SENP5: variants seen among roughly 807,000 people sequenced by gnomAD.
SENP5 encodes the protein sentrin-specific protease 5.
Under a neutral mutation model 74.2 loss-of-function variants are expected in SENP5, and 21 were observed. The observed-to-expected ratio is 0.28, with a 90% CI of 0.20 to 0.41. The LOEUF is 0.41. Ranked by LOEUF, SENP5 falls within the 10% of genes least tolerant of loss-of-function variation. The probability of loss-of-function intolerance (pLI) is 1.00; values close to 1 mark genes in which losing one functional copy is unlikely to be tolerated. For missense variants in SENP5, 717 were observed against 889.1 expected, an observed-to-expected ratio of 0.81 and a Z score of 2.46; for synonymous variants, 311 against 312.7, an observed-to-expected ratio of 0.99 and a Z score of 0.06.
At position 196,886,684 on chromosome 3, in the gene SENP5, C is replaced by T. The variant is rs780313447; in HGVS notation, c.1503C>T (p.Val501=). Residue 501 remains valine (V), a synonymous_variant, in exon 2 of 10, where the codon GTC becomes GTT. Coordinates refer to ENST00000323460, the MANE Select transcript of SENP5 (RefSeq NM_152699.5). ...ASPVDDEQLS[V]CLSGFLDEVM... The stretch of plus-strand genomic sequence containing the variant: ...CAGTGGATGATGAACAGCTGTCAGT[C>T]TGTCTTTCTGGTATGCACTTTTCCT... 20 of 1,556,454 alleles carry T rather than the reference C, an allele frequency of 1.3e-5. No homozygotes were observed. Among genetic ancestry groups the T allele is most frequent in the Non-Finnish European group, 1.6e-5 (18 of 1,155,018 alleles).
chr3:196,916,990 C>T (rs1039572748), intron 6 of SENP5, among the ~76,000 whole-genome samples: 6 of 151,872 alleles, frequency 4.0e-5, no homozygotes, highest in South Asian at 4.2e-4. Flanking sequence ...AAAAATTAGC[C>T]GGGCGTGGTG....
At chr3:196,930,653 G>A (rs1183105851) in intron 9 of SENP5, among the ~76,000 whole-genome samples, 160 bp from the exon 10 acceptor site, 1 of 152,124 alleles carries the variant, frequency 6.6e-6, no homozygotes, top group Non-Finnish European at 1.5e-5. Flanking sequence ...TCTCCCCCAA[G>A]TCTGTGGAAA....
At chr3:196,899,583 G>A in intron 2 of SENP5, 83 bp from the exon 3 acceptor site, 1 of 798,732 alleles carries the variant, frequency 1.3e-6, no homozygotes. Context: ...TAAGTGCTGT[G>A]TATAGGTTAA....
chr3:196,892,419 T>A (rs550841540), intron 2 of SENP5, among the ~76,000 whole-genome samples: 1 of 152,348 alleles, frequency 6.6e-6, no homozygotes, highest in East Asian at 1.9e-4. Context: ...AGTGCTGGGA[T>A]TACAGGCATG....
intron 2 of SENP5, among the ~76,000 whole-genome samples, chr3:196,891,168 T>G (rs6797744): frequency 6.6e-6 from 1 of 152,006 alleles, no homozygotes; most frequent in African/African-American, 2.4e-5. Flanking sequence ...CTTGGAAGCA[T>G]GCTAAGTGAA....
chr3:196,907,248 C>T (rs1267693646), intron 6 of SENP5, among the ~76,000 whole-genome samples: 2 of 152,022 alleles, frequency 1.3e-5, no homozygotes, highest in Non-Finnish European at 1.5e-5. Flanking sequence ...CCGAGGCAGG[C>T]GGATCACGAG....
chr3:196,902,551 T>G (rs1412946799), intron 5 of SENP5, among the ~76,000 whole-genome samples: 1 of 152,158 alleles, frequency 6.6e-6, no homozygotes, highest in Non-Finnish European at 1.5e-5. Flanking sequence ...CTTTAATAGG[T>G]CTGGGATGAG....
At chr3:196,877,575 A>AT (rs201364945) in intron 1 of SENP5, among the ~76,000 whole-genome samples, 174 of 151,680 alleles carry the variant, frequency 1.1e-3, no homozygotes, top group Admixed American at 0.01. Context: ...TTTGCACAGT[A>AT]TTTTTTTTTA....
intron 7 of SENP5, among the ~76,000 whole-genome samples, chr3:196,926,746 C>T (rs1307191078): frequency 2.7e-5 from 4 of 148,964 alleles, no homozygotes; most frequent in African/African-American, 9.9e-5. Flanking sequence ...TCAAGCGATT[C>T]TCATGTCTCA....
rs944919001 is a variant in SENP5, at chr3:196,918,176, G to A, written c.1885-5238G>A. On this transcript the variant is annotated intron_variant, in intron 6 of 9. Coordinates refer to ENST00000323460, the MANE Select transcript of SENP5 (RefSeq NM_152699.5). The stretch of plus-strand genomic sequence containing the variant: ...AAAAAAATTAGCCGGGCGCGGTGGC[G>A]GGCGCCTGTAGTCCCAGCTACTCGG... 3.3e-5 allele frequency among the ~76,000 whole-genome samples: 5 copies of A among 151,528 alleles called. No homozygotes were observed. The South Asian group carries it at 6.2e-4, about 19-fold the overall frequency.
In SENP5 at chr3:196,917,392, A is replaced by G. The variant is rs138997942; in HGVS notation, c.1885-6022A>G. Reference sequence around the variant, plus strand: ...GGAGGTAGAGAGAGAGAGAGAGGGTAGAAACTTCACTCAGATAGTAACAGA... The same window carrying G: ...GGAGGTAGAGAGAGAGAGAGAGGGTGGAAACTTCACTCAGATAGTAACAGA... On this transcript the variant is annotated intron_variant, in intron 6 of 9. Transcript: ENST00000323460. Among the ~76,000 whole-genome samples, 622 of 152,218 alleles carry G rather than the reference A, an allele frequency of 4.1e-3. 2 individuals carry two copies. The highest frequency in any genetic ancestry group is 6.5e-3 in the Non-Finnish European group (443 of 68,002).
At position 196,886,564 on chromosome 3, in the gene SENP5, T is replaced by C; in HGVS notation, c.1383T>C (p.Pro461=). ...TTAGTTCTGAGTTGCTGGACCACCCTTACTGTAAAAGTCCACTGGAGGCTC... is the reference window on the plus strand; with the variant it reads ...TTAGTTCTGAGTTGCTGGACCACCCCTACTGTAAAAGTCCACTGGAGGCTC... The part of the protein sequence containing the change: ...SILSSELLDH[P]YCKSPLEAPL... The change falls in exon 2 of 10, where the codon CCT becomes CCC. Residue 461 remains proline, a synonymous_variant. Transcript: ENST00000323460. The C allele has an allele frequency of 6.2e-7, 1 of 1,614,000 alleles. No homozygotes were observed. The highest frequency in any genetic ancestry group is 8.5e-7 in the Non-Finnish European group (1 of 1,179,988).
At chr3:196,876,625 C>T (rs1713484254) in intron 1 of SENP5, among the ~76,000 whole-genome samples, 4 of 150,656 alleles carry the variant, frequency 2.7e-5, no homozygotes, top group African/African-American at 7.3e-5. Context: ...TGTGATGGCT[C>T]GTGTCTATAA....
chr3:196,872,895 G>C (rs545917462), intron 1 of SENP5, among the ~76,000 whole-genome samples: 4 of 152,186 alleles, frequency 2.6e-5, no homozygotes, highest in Admixed American at 2.0e-4. Flanking sequence ...TGCAAGGATG[G>C]GTAGGGGACA....
chr3:196,933,459 C>A lies in SENP5; in HGVS notation c.*2536C>A, dbSNP rs939379651. The A allele has an allele frequency of 6.6e-6, 1 of 152,138 alleles. No individual in the cohort carries two copies. Among genetic ancestry groups the A allele is most frequent in the African/African-American group, 2.4e-5 (1 of 41,404 alleles). The allele number at this position is 152,138 out of a possible 1,614,324, so 9.4% of individuals were successfully genotyped here. On this transcript the variant is annotated 3_prime_UTR_variant, in exon 10 of 10. Transcript: ENST00000323460. ...AGTCCTAGATTAGAATGTCCTTTGT[C>A]CTGATGTTTGCAGTAATTGCTTCCT...
intron 6 of SENP5, among the ~76,000 whole-genome samples, chr3:196,911,562 A>G (rs1170844337): frequency 2.6e-5 from 4 of 151,980 alleles, no homozygotes; most frequent in Non-Finnish European, 5.9e-5. Flanking sequence ...GTCTCAAAAA[A>G]AAAAAAAAAA....
At chr3:196,913,501 G>A (rs1261348050) in intron 6 of SENP5, among the ~76,000 whole-genome samples, 5 of 150,370 alleles carry the variant, frequency 3.3e-5, no homozygotes, top group African/African-American at 4.9e-5. Context: ...CCCAGGAGGC[G>A]GAGGTTGCAG....
chr3:196,884,522 C>CT (rs1713863963), intron 1 of SENP5, among the ~76,000 whole-genome samples: 1 of 152,156 alleles, frequency 6.6e-6, no homozygotes, highest in Non-Finnish European at 1.5e-5. Flanking sequence ...AGCCAATATT[C>CT]TAATTTCAGC....
At position 196,873,567 on chromosome 3, in the gene SENP5, G is replaced by A. The variant is rs188162426; in HGVS notation, c.-32+5494G>A. ...GTTAAAAAATTCTTGGCAGCCGGGC[G>A]TGGTGGCTCACGCCTGTAATCCCAG... On this transcript the variant is annotated intron_variant, in intron 1 of 9. Transcript: ENST00000323460. Among the ~76,000 whole-genome samples, 28 of 152,066 alleles carry A rather than the reference G, an allele frequency of 1.8e-4. No individual in the cohort carries two copies. The East Asian group carries it at 5.3e-3, about 29-fold the overall frequency.
Sources: gnomAD v4.1 joint callset for allele counts (sites outside exome capture counted in the v4.1 genomes callset) on GRCh38, gnomAD v4.1.1 for gene constraint, MANE v1.5 for transcripts, NCBI Gene and HGNC (gene_info 2026-07-23, HGNC 2026-07-21) for gene names.